The following PPM1E variants were observed in gnomAD, a reference collection of about 807,000 sequenced individuals.
PPM1E encodes the protein protein phosphatase, Mg2+/Mn2+ dependent 1E.
Under a neutral mutation model 65.9 loss-of-function variants are expected in PPM1E, and 20 were observed. That is an observed-to-expected ratio of 0.30 (90% CI 0.21 to 0.44). PPM1E has a LOEUF of 0.44. Among genes scored for constraint, PPM1E ranks in the 20% least tolerant of loss-of-function variants. The probability of loss-of-function intolerance (pLI) is 1.00; values close to 1 mark genes in which losing one functional copy is unlikely to be tolerated. For synonymous variants in PPM1E, 352 were observed against 374.9 expected (o/e 0.94, Z 0.70); for missense variants, 713 against 953.1 (o/e 0.75, Z 3.32).
chr17:58,907,627 CT>C (rs1385791954), intron 1 of PPM1E, among the ~76,000 whole-genome samples: 1 of 152,154 alleles, frequency 6.6e-6, no homozygotes, highest in Non-Finnish European at 1.5e-5. Flanking sequence ...TCTCTTTGTC[CT>C]TGTTGTTCTA....
intron 1 of PPM1E, among the ~76,000 whole-genome samples, chr17:58,913,716 C>A (rs1007886054): frequency 1.3e-5 from 2 of 152,126 alleles, no homozygotes; most frequent in African/African-American, 4.8e-5. Flanking sequence ...GTCTTCACTT[C>A]CTGGGTAGGA....
At chr17:58,876,742 G>A (rs1296615807) in intron 1 of PPM1E, among the ~76,000 whole-genome samples, 1 of 152,174 alleles carries the variant, frequency 6.6e-6, no homozygotes, top group Admixed American at 6.5e-5. Context: ...TCTTCAGGAA[G>A]TGGCTGTAAA....
chr17:58,840,454 AAAGCCAGACC>A (rs1435381035), intron 1 of PPM1E, among the ~76,000 whole-genome samples: 1 of 152,234 alleles, frequency 6.6e-6, no homozygotes, highest in African/African-American at 2.4e-5. Flanking sequence ...GCCAAGGGCA[AAAGCCAGACC>A]AATTCAGTAG....
intron 1 of PPM1E, among the ~76,000 whole-genome samples, chr17:58,816,810 TTTTGAGACAGGGTC>T (rs2050430275): frequency 8.8e-6 from 1 of 114,120 alleles, no homozygotes; most frequent in Non-Finnish European, 1.8e-5. Flanking sequence ...TTTTTTTTTT[TTTTGAGACAGGGTC>T]TTACTCTGTC....
rs535211594 is a variant in PPM1E at position 58,760,436 on chromosome 17, TCTC to T, written c.464+3978_464+3980del. On this transcript the variant is annotated intron_variant, in intron 1 of 6. Transcript: ENST00000308249. ...TCCCTGACTTCTCCTTTCCCTGACT[TCTC>T]CTTTCACCTCTCACATTCAGTCACA... 3.0e-4 allele frequency among the ~76,000 whole-genome samples: 45 copies of T among 152,222 alleles called. No homozygotes were observed. The Middle Eastern group carries it at 0.014, about 46-fold the overall frequency.
At chr17:58,779,586 C>T (rs1305704055) in intron 1 of PPM1E, among the ~76,000 whole-genome samples, 2 of 152,068 alleles carry the variant, frequency 1.3e-5, no homozygotes, top group African/African-American at 4.8e-5. Flanking sequence ...AAAAATGTCT[C>T]TTGTATGAAT....
intron 1 of PPM1E, among the ~76,000 whole-genome samples, chr17:58,884,550 G>A (rs991919743): frequency 6.6e-6 from 1 of 152,110 alleles, no homozygotes; most frequent in Non-Finnish European, 1.5e-5. Flanking sequence ...GTTTCTGAAA[G>A]GAGTACATTG....
intron 1 of PPM1E, among the ~76,000 whole-genome samples, chr17:58,850,211 GGGT>G (rs1487511261): frequency 6.6e-6 from 1 of 152,014 alleles, no homozygotes; most frequent in Admixed American, 6.6e-5. Context: ...GCACACTGAT[GGGT>G]CTTGACTCTT....
intron 1 of PPM1E, among the ~76,000 whole-genome samples, chr17:58,909,272 C>T (rs1221000928): frequency 2.6e-5 from 4 of 152,126 alleles, no homozygotes; most frequent in Non-Finnish European, 5.9e-5. Context: ...GCCAACCCCA[C>T]ACTGAGACAG....
At chr17:58,825,224 TCACACACACACACACACACA>T (rs71367635) in intron 1 of PPM1E, among the ~76,000 whole-genome samples, 2 of 140,038 alleles carry the variant, frequency 1.4e-5, no homozygotes, top group Non-Finnish European at 3.1e-5. Flanking sequence ...ACACACACAC[TCACACACACACACACACACA>T]CACACACACA....
At chr17:58,823,951 C>G (rs976738305) in intron 1 of PPM1E, among the ~76,000 whole-genome samples, 1 of 151,984 alleles carries the variant, frequency 6.6e-6, no homozygotes, top group Non-Finnish European at 1.5e-5. Flanking sequence ...AGGATGATCT[C>G]AATCTCCTGA....
intron 1 of PPM1E, among the ~76,000 whole-genome samples, chr17:58,904,857 A>AG (rs1491090438): frequency 1.4e-5 from 1 of 72,014 alleles, no homozygotes; most frequent in Non-Finnish European, 2.9e-5. Flanking sequence ...CTAAAAATAC[A>AG]AAAAAAAAAA....
At chr17:58,865,674 C>T (rs1473578287) in intron 1 of PPM1E, among the ~76,000 whole-genome samples, 4 of 152,204 alleles carry the variant, frequency 2.6e-5, no homozygotes, top group Admixed American at 6.5e-5. Context: ...GCTCTCCAGA[C>T]TGGGTGACAG....
chr17:58,866,355 G>C (rs1424151292), intron 1 of PPM1E, among the ~76,000 whole-genome samples: 3 of 152,184 alleles, frequency 2.0e-5, no homozygotes, highest in Admixed American at 6.6e-5. Context: ...TTCAAAACTA[G>C]GGAAATGCCA....
intron 1 of PPM1E, among the ~76,000 whole-genome samples, chr17:58,878,396 C>G (rs2051151715): frequency 6.6e-6 from 1 of 151,760 alleles, no homozygotes; most frequent in Non-Finnish European, 1.5e-5. Flanking sequence ...GCACGTGCCA[C>G]CACACCTGGC....
At chr17:58,791,050 C>T (rs1330557274) in intron 1 of PPM1E, among the ~76,000 whole-genome samples, 10 of 151,924 alleles carry the variant, frequency 6.6e-5, no homozygotes, top group African/African-American at 7.3e-5. Flanking sequence ...CCACCCTGCC[C>T]GGCTAATTTT....
chr17:58,982,840 G>C lies in PPM1E; in HGVS notation c.*1809G>C, dbSNP rs2031441150. On this transcript the variant is annotated 3_prime_UTR_variant, in exon 7 of 7. Transcript: ENST00000308249. Reference sequence around the variant, plus strand: ...CATTCTGAGGCTTTGCCCCACACATGGTCCTCACTCATATCTGTCACCTTC... The same window carrying C: ...CATTCTGAGGCTTTGCCCCACACATCGTCCTCACTCATATCTGTCACCTTC... 1 of 1,423,038 alleles carries C rather than the reference G, an allele frequency of 7.0e-7. No individual in the cohort carries two copies. Among genetic ancestry groups the C allele is most frequent in the Non-Finnish European group, 9.7e-7 (1 of 1,029,658 alleles). 88.2% of individuals were successfully genotyped at this position (1,423,038 alleles called of 1,614,324 possible).
intron 1 of PPM1E, among the ~76,000 whole-genome samples, chr17:58,771,857 A>G (rs1473152570): frequency 6.6e-6 from 1 of 152,184 alleles, no homozygotes; most frequent in African/African-American, 2.4e-5. Flanking sequence ...AATGCTACTT[A>G]TTCAGAGATA....
At chr17:58,890,108 G>A (rs1039031703) in intron 1 of PPM1E, among the ~76,000 whole-genome samples, 2 of 152,174 alleles carry the variant, frequency 1.3e-5, no homozygotes, top group Non-Finnish European at 2.9e-5. Flanking sequence ...TAGAGGGTTA[G>A]GTTCCTGTGA....
Sources: allele counts gnomAD v4.1 joint callset (sites outside exome capture counted in the v4.1 genomes callset), GRCh38; gene constraint gnomAD v4.1.1; transcripts MANE v1.5; gene names NCBI Gene and HGNC (gene_info 2026-07-23, HGNC 2026-07-21).